Variants in DNAH12 observed in about 807,000 individuals in gnomAD.
DNAH12 encodes axonemal beta dynein heavy chain 12.
DNAH12 carries 285 observed loss-of-function variants against 371.5 expected under a neutral mutation model. The ratio of observed to expected loss-of-function variants is 0.77; its 90% CI spans 0.70 to 0.85. The LOEUF is 0.85. Ranked by LOEUF, DNAH12 falls within the 40% of genes least tolerant of loss-of-function variation. The pLI, the probability that DNAH12 is intolerant of heterozygous loss-of-function variation, is 0.00. For missense variants in DNAH12, 3,611 were observed against 3,689.4 expected, an observed-to-expected ratio of 0.98 and a Z score of 0.55; for synonymous variants, 1,200 against 1,213.0, an observed-to-expected ratio of 0.99 and a Z score of 0.22.
chr3:57,497,618 G>A (rs2067365901), intron 11 of DNAH12, among the ~76,000 whole-genome samples: 1 of 152,176 alleles, frequency 6.6e-6, no homozygotes, highest in Non-Finnish European at 1.5e-5. Flanking sequence ...AAATGTGAAA[G>A]CTACAACTAT....
intron 62 of DNAH12, 146 bp from the exon 63 acceptor site, chr3:57,323,765 T>G: frequency 3.6e-6 from 3 of 834,044 alleles, no homozygotes; most frequent in Non-Finnish European, 5.1e-6. Flanking sequence ...CTAATTTCTC[T>G]AAAAAATAAA....
chr3:57,533,500 CA>C (rs2068920540), intron 2 of DNAH12, among the ~76,000 whole-genome samples: 1 of 151,176 alleles, frequency 6.6e-6, no homozygotes. Flanking sequence ...ACTCAAGGCC[CA>C]CAGTGTACTA....
Position 57,421,630 on chromosome 3 carries a change from A to G in DNAH12, c.5450T>C (p.Phe1817Ser), listed in dbSNP as rs201156360. ...DTDGRRVFDT[F>S]IRLIILGKDD... The stretch of plus-strand genomic sequence containing the variant: ...TTTTCCCAGTATGATTAATCGTATG[A>G]AAGTATCAAAAACACGACGGCCATC... The change falls in exon 36 of 74, where the codon TTC (phenylalanine) becomes TCC (serine). Residue 1817 changes from phenylalanine (F) to serine (S), a missense_variant. Coordinates refer to ENST00000495027, the MANE Select transcript of DNAH12 (RefSeq NM_001366028.2). The G allele has an allele frequency of 1.9e-4, 298 of 1,551,644 alleles. 2 individuals are homozygous for G. The African/African-American group carries it at 3.6e-3, about 19-fold the overall frequency.
chr3:57,301,244 T>G (rs2061336832), intron 70 of DNAH12, among the ~76,000 whole-genome samples: 1 of 113,372 alleles, frequency 8.8e-6, no homozygotes, highest in Non-Finnish European at 1.6e-5. Flanking sequence ...CCAGCCTGGA[T>G]GACAGAGCAA....
intron 38 of DNAH12, 57 bp downstream of exon 38, chr3:57,415,369 T>G: frequency 6.6e-7 from 1 of 1,524,032 alleles, no homozygotes; most frequent in South Asian, 1.3e-5. Context: ...TTTTAAACAC[T>G]GAGCAAATAA....
chr3:57,410,376 C>T lies in DNAH12; in HGVS notation c.6021-1841G>A, dbSNP rs1258972178. Among the ~76,000 whole-genome samples, 7 of 152,074 alleles carry T rather than the reference C, an allele frequency of 4.6e-5. No homozygotes were observed. The East Asian group carries it at 1.4e-3, about 29-fold the overall frequency. On this transcript the variant is annotated intron_variant, in intron 39 of 73. Coordinates refer to ENST00000495027, the MANE Select transcript of DNAH12 (RefSeq NM_001366028.2). The stretch of plus-strand genomic sequence containing the variant: ...TACTATTGTAATTGTTTTGGAGCAC[C>T]ATGAATTGACCTACATAAGAAGAAA...
At chr3:57,316,133 C>CT (rs10652760) in intron 65 of DNAH12, among the ~76,000 whole-genome samples, 3,405 of 144,480 alleles carry the variant, frequency 0.024, 50 homozygotes, top group Non-Finnish European at 0.038. Context: ...ACCCCTTCCC[C>CT]TTTTTTTTTT....
chr3:57,381,239 GTGT>G (rs2063383856), intron 50 of DNAH12, among the ~76,000 whole-genome samples: 2 of 19,422 alleles, frequency 1.0e-4, no homozygotes, highest in Non-Finnish European at 4.4e-4. Context: ...ATAGGGAGGT[GTGT>G]GTGTGTGTGT....
chr3:57,411,552 A>AAAAAAAAG (rs2064206411), intron 39 of DNAH12, among the ~76,000 whole-genome samples: 2 of 68,386 alleles, frequency 2.9e-5, no homozygotes, highest in African/African-American at 1.2e-4. Flanking sequence ...AAAAAAAAAA[A>AAAAAAAAG]AAAGAAAGAA....
intron 56 of DNAH12, among the ~76,000 whole-genome samples, chr3:57,367,242 A>G (rs1417645635): frequency 1.3e-5 from 2 of 152,148 alleles, no homozygotes; most frequent in African/African-American, 2.4e-5. Context: ...GCTAAGGAAC[A>G]AGAATCGCTT....
At chr3:57,322,533 C>T (rs1169149206) in intron 64 of DNAH12, 50 bp from the exon 65 acceptor site, 1 of 1,517,118 alleles carries the variant, frequency 6.6e-7, no homozygotes, top group East Asian at 2.5e-5. Flanking sequence ...AGTGGAGGCT[C>T]TAAAAGTGCA....
rs149024493 is a variant in DNAH12 at position 57,425,073 on chromosome 3, G to A, written c.5322C>T (p.Cys1774=). Residue 1774 remains cysteine (C), a synonymous_variant, in exon 35 of 74, where the codon TGC becomes TGT. Coordinates refer to ENST00000495027, the MANE Select transcript of DNAH12 (RefSeq NM_001366028.2). ...TAGTAGGATCATTTTCTACCACATT[G>A]CAAAGTAGCACTTCAAAGAGGCGTG... The part of the protein sequence containing the change: ...SLTRLFEVLL[C]NVVENDPTSK... The A allele has an allele frequency of 0.012, 8,741 of 702,678 alleles. 70 individuals carry two copies. The highest frequency in any genetic ancestry group is 0.016 in the Non-Finnish European group (6,163 of 384,888). The allele number at this position is 702,678 out of a possible 1,614,324, so 43.5% of individuals were successfully genotyped here.
chr3:57,323,400 A>G lies in DNAH12; in HGVS notation c.10129+69T>C, dbSNP rs181509952. On this transcript the variant is annotated intron_variant, in intron 63 of 73. Transcript: ENST00000495027. ...GATTTACTAACTGATTTATAATCAT[A>G]TAAGGAATCAGTATTGAGCAAGATG... The G allele has an allele frequency of 2.3e-4, 347 of 1,477,574 alleles. 1 individual carries two copies. The African/African-American group carries it at 4.4e-3, about 19-fold the overall frequency. 91.5% of individuals were successfully genotyped at this position (1,477,574 alleles called of 1,614,324 possible). A position where few individuals can be genotyped will look rare whatever the true frequency, so the allele number is the denominator to read the frequency against.
At chr3:57,409,928 C>T (rs914358213) in intron 39 of DNAH12, among the ~76,000 whole-genome samples, 1 of 152,034 alleles carries the variant, frequency 6.6e-6, no homozygotes, top group Admixed American at 6.6e-5. Context: ...TACAAGCCAT[C>T]TCAAAGATAT....
rs553167448 is a variant in DNAH12 at position 57,412,844 on chromosome 3, C to T, written c.6020+902G>A. ...CTCTCATTCATTCCTGATGGGAATG[C>T]AAAATGGTATGGTTATTTTGGAAGG... On this transcript the variant is annotated intron_variant, in intron 39 of 73. Coordinates refer to ENST00000495027, the MANE Select transcript of DNAH12 (RefSeq NM_001366028.2). Among the ~76,000 whole-genome samples, 166 of 152,244 alleles carry T rather than the reference C, an allele frequency of 1.1e-3. 1 individual carries two copies. The highest frequency in any genetic ancestry group is 3.9e-3 in the African/African-American group (163 of 41,548).
rs998391774 is a variant in DNAH12 at position 57,334,739 on chromosome 3, C to T, written c.9833+43G>A. 3 of 1,526,278 alleles carry T rather than the reference C, an allele frequency of 2.0e-6. No homozygotes were observed. The African/African-American group carries it at 4.2e-5, about 21-fold the overall frequency. The allele number at this position is 1,526,278 out of a possible 1,614,324, so 94.5% of individuals were successfully genotyped here. On this transcript the variant is annotated intron_variant, in intron 61 of 73. Transcript: ENST00000495027. ...ATCACTAAATTGAAGAACAAGTTTA[C>T]ATATTGCCATTCAATGATAAATCAT...
intron 37 of DNAH12, among the ~76,000 whole-genome samples, chr3:57,418,365 C>CAAAAAAA (rs57508616): frequency 7.0e-5 from 3 of 42,874 alleles, no homozygotes; most frequent in African/African-American, 1.7e-4. Flanking sequence ...CCTGTCTCTA[C>CAAAAAAA]AAAAAAAAAA....
At chr3:57,429,628 T>G in intron 33 of DNAH12, 63 bp downstream of exon 33, 1 of 1,429,226 alleles carries the variant, frequency 7.0e-7, no homozygotes, top group Non-Finnish European at 9.4e-7. Flanking sequence ...AAAAAATACT[T>G]ATTGGCTAAA....
chr3:57,385,978 C>T (rs899211427), intron 47 of DNAH12, among the ~76,000 whole-genome samples: 3 of 152,090 alleles, frequency 2.0e-5, no homozygotes, highest in Admixed American at 1.3e-4. Context: ...AGCAGCATCT[C>T]AGAGTATTCC....
Sources: allele counts gnomAD v4.1 joint callset (sites outside exome capture counted in the v4.1 genomes callset), GRCh38; gene constraint gnomAD v4.1.1; transcripts MANE v1.5; gene names NCBI Gene and HGNC (gene_info 2026-07-23, HGNC 2026-07-21).